IRAG2: variants seen among roughly 807,000 people sequenced by gnomAD.
The protein encoded by IRAG2 is inositol 1,4,5-triphosphate receptor associated 2.
Under a neutral mutation model 69.9 loss-of-function variants are expected in IRAG2, and 45 were observed. The observed-to-expected ratio is 0.64, with a 90% confidence interval of 0.51 to 0.83. The LOEUF (loss-of-function observed/expected upper bound fraction) is 0.83. IRAG2 is among the 40% of genes least tolerant of loss of function. The pLI is 0.00. For missense variants in IRAG2, 520 were observed against 587.0 expected (o/e 0.89, Z 1.18); for synonymous variants, 193 against 202.4 (o/e 0.95, Z 0.40).
chr12:25,029,566 A>G (rs1189411364), intron 9 of IRAG2, among the ~76,000 whole-genome samples: 1 of 152,226 alleles, frequency 6.6e-6, no homozygotes, highest in East Asian at 1.9e-4. Context: ...ATTCTATAAT[A>G]TGCAGCAGCA....
At chr12:25,023,568 A>G (rs1944599760) in intron 7 of IRAG2, among the ~76,000 whole-genome samples, 1 of 152,212 alleles carries the variant, frequency 6.6e-6, no homozygotes, top group South Asian at 2.1e-4. Flanking sequence ...GTTTACAACT[A>G]CCTGTCATAA....
At chr12:25,039,594 C>T in intron 16 of IRAG2, among the ~76,000 whole-genome samples, 1 of 152,156 alleles carries the variant, frequency 6.6e-6, no homozygotes, top group Admixed American at 6.5e-5. Flanking sequence ...CCACGCCCAG[C>T]TAATTTTTTG....
chr12:24,998,646 G>C, the IRAG2 span, among the ~76,000 whole-genome samples: 1 of 151,228 alleles, frequency 6.6e-6, no homozygotes, highest in South Asian at 2.1e-4. Flanking sequence ...GTGAAGGGTT[G>C]TTTTGGCAAA....
chr12:25,098,523 T>TC (rs1292505668), intron 15 of IRAG2, among the ~76,000 whole-genome samples: 1 of 152,118 alleles, frequency 6.6e-6, no homozygotes, highest in Non-Finnish European at 1.5e-5. Flanking sequence ...AGGCCAGCCT[T>TC]CCCCACTGTA....
At chr12:25,040,824 C>A (rs757512482) in intron 16 of IRAG2, among the ~76,000 whole-genome samples, 8 of 152,174 alleles carry the variant, frequency 5.3e-5, no homozygotes, top group Non-Finnish European at 8.8e-5. Flanking sequence ...TGGCTTCCAC[C>A]CCTTCCCCAA....
intron 9 of IRAG2, among the ~76,000 whole-genome samples, chr12:25,080,259 A>T (rs1413012180): frequency 1.3e-5 from 2 of 152,154 alleles, no homozygotes. Flanking sequence ...GACCATTCCC[A>T]GTGAGACACC....
At chr12:25,015,162 T>TTTTG (rs1565526474) in intron 3 of IRAG2, 2 of 1,063,970 alleles carry the variant, frequency 1.9e-6, no homozygotes, top group African/African-American at 3.5e-5. Flanking sequence ...TTTGTTTTTT[T>TTTTG]TTTTTTTTTT....
chr12:25,061,549 A>G, intron 1 of IRAG2, 43 bp from the exon 2 acceptor site: 1 of 398,516 alleles, frequency 2.5e-6, no homozygotes, highest in Non-Finnish European at 4.4e-6. Context: ...AATTAATTAA[A>G]TTAAAATGGT....
At chr12:25,028,176 C>G (rs750194529) in intron 9 of IRAG2, among the ~76,000 whole-genome samples, 1 of 152,184 alleles carries the variant, frequency 6.6e-6, no homozygotes, top group Non-Finnish European at 1.5e-5. Flanking sequence ...CTGCCCGCCT[C>G]AGCCTCCCAA....
chr12:25,042,755 G>A (rs1035421660), intron 16 of IRAG2, among the ~76,000 whole-genome samples: 12 of 151,994 alleles, frequency 7.9e-5, no homozygotes, highest in Admixed American at 3.9e-4. Context: ...ATGAACCACC[G>A]CGCCTGGCCC....
intron 11 of IRAG2, 105 bp from the exon 12 acceptor site, chr12:25,089,509 A>G (rs1192597061): frequency 3.1e-6 from 2 of 654,362 alleles, no homozygotes; most frequent in African/African-American, 3.6e-5. Context: ...TCTCAGACAT[A>G]TTTAAATGAA....
chr12:25,031,114 T>A (rs1824668142), intron 10 of IRAG2: 1 of 968,684 alleles, frequency 1.0e-6, no homozygotes, highest in Non-Finnish European at 1.2e-6. Context: ...GAAGAAAGAA[T>A]GATATTTGCC....
chr12:25,101,172 TGCTAGGAAA>T lies in IRAG2; in HGVS notation c.742-3_747del. On this transcript the variant is annotated splice_acceptor_variant and splice_polypyrimidine_tract_variant and coding_sequence_variant and intron_variant, in exon 16 of 22. Transcript: ENST00000556887. LOFTEE classifies it high-confidence loss of function. The stretch of plus-strand genomic sequence containing the variant: ...ATGTAAATGTGCTCGTTTTTTCTCT[TGCTAGGAAA>T]GCCGGGTTAGTAAAGCAGTTGAAGT... The T allele has an allele frequency of 1.3e-6, 2 of 1,592,894 alleles. No individual in the cohort carries two copies. Among genetic ancestry groups the T allele is most frequent in the Non-Finnish European group, 1.7e-6 (2 of 1,169,592 alleles).
chr12:25,102,043 T>G (rs1371820785), intron 16 of IRAG2, 155 bp from the exon 17 acceptor site: 1 of 704,846 alleles, frequency 1.4e-6, no homozygotes, highest in Non-Finnish European at 2.6e-6. Context: ...TTATGAAGAA[T>G]GAAATGAATG....
intron 6 of IRAG2, among the ~76,000 whole-genome samples, chr12:25,071,822 C>T (rs1475248880): frequency 1.3e-5 from 2 of 148,976 alleles, no homozygotes; most frequent in Admixed American, 6.7e-5. Flanking sequence ...AAGAAATGTA[C>T]TGCCTTTTAT....
intron 6 of IRAG2, among the ~76,000 whole-genome samples, chr12:25,075,521 C>CATGTGTGTGTGTGTGTGT (rs750386542): frequency 2.9e-5 from 4 of 139,268 alleles, no homozygotes; most frequent in African/African-American, 1.0e-4. Context: ...TGTGTGTATG[C>CATGTGTGTGTGTGTGTGT]GTGTGTGTGT....
intron 15 of IRAG2, 80 bp from the exon 16 acceptor site, chr12:25,101,098 A>G: frequency 8.1e-7 from 1 of 1,227,174 alleles, no homozygotes; most frequent in Non-Finnish European, 1.1e-6. Context: ...GAATGGAGTG[A>G]AGGTAAATGT....
chr12:25,033,628 A>G (rs191683243), intron 12 of IRAG2: 1 of 355,842 alleles, frequency 2.8e-6, no homozygotes, highest in Admixed American at 4.7e-5. Flanking sequence ...AATTCTTTTA[A>G]AAACTGTGGC....
At chr12:25,079,095 C>T in intron 6 of IRAG2, 149 bp from the exon 7 acceptor site, 1 of 714,428 alleles carries the variant, frequency 1.4e-6, no homozygotes, top group East Asian at 2.6e-5. Flanking sequence ...TCCATCTGCC[C>T]TATACCATCC....
Sources: allele counts gnomAD v4.1 joint callset (sites outside exome capture counted in the v4.1 genomes callset), GRCh38; gene constraint gnomAD v4.1.1; transcripts MANE v1.5; gene names NCBI Gene and HGNC (gene_info 2026-07-23, HGNC 2026-07-21).